UNC13C: variants seen among roughly 807,000 people sequenced by gnomAD.
UNC13C encodes the protein protein unc-13 homolog C.
Under a neutral mutation model 245.4 loss-of-function variants are expected in UNC13C, and 174 were observed. The ratio of observed to expected loss-of-function variants is 0.71; its 90% confidence interval spans 0.63 to 0.80. UNC13C has a LOEUF of 0.80. UNC13C is among the 30% of genes least tolerant of loss of function. UNC13C has a pLI of 0.00. For missense variants in UNC13C, 2,829 were observed against 2,602.9 expected, an observed-to-expected ratio of 1.09 and a Z score of -1.89; for synonymous variants, 992 against 895.1, an observed-to-expected ratio of 1.11 and a Z score of -1.93.
At chr15:54,242,363 G>A (rs1042913683) in intron 7 of UNC13C, among the ~76,000 whole-genome samples, 2 of 152,010 alleles carry the variant, frequency 1.3e-5, no homozygotes, top group African/African-American at 4.8e-5. Flanking sequence ...TCTTGAGTTA[G>A]TCTAGACAAT....
chr15:54,604,500 C>T (rs909433883), intron 30 of UNC13C, among the ~76,000 whole-genome samples: 4 of 152,132 alleles, frequency 2.6e-5, no homozygotes, highest in Admixed American at 2.6e-4. Context: ...TTTGGGGGAT[C>T]ACTGATACCT....
At chr15:53,913,480 G>A in the UNC13C span, 1 of 152,198 alleles carries the variant, frequency 6.6e-6, no homozygotes, top group Non-Finnish European at 1.5e-5. Flanking sequence ...CCCTGGACAG[G>A]GAAAGCAGTT....
chr15:54,325,579 G>T (rs1297747059), intron 14 of UNC13C, among the ~76,000 whole-genome samples: 1 of 151,564 alleles, frequency 6.6e-6, no homozygotes, highest in Non-Finnish European at 1.5e-5. Context: ...CCCCTCGACA[G>T]GCCCCGGTGT....
At chr15:54,355,656 C>A (rs1004242455) in intron 17 of UNC13C, among the ~76,000 whole-genome samples, 4 of 152,032 alleles carry the variant, frequency 2.6e-5, no homozygotes, top group Admixed American at 2.6e-4. Flanking sequence ...CAGCACCCAG[C>A]CCTCACTTTG....
intron 19 of UNC13C, among the ~76,000 whole-genome samples, chr15:54,482,465 G>A (rs1028019034): frequency 6.6e-5 from 10 of 152,172 alleles, no homozygotes; most frequent in African/African-American, 9.7e-5. Context: ...GTAGGAGCGG[G>A]CGGTGGGAAT....
intron 19 of UNC13C, among the ~76,000 whole-genome samples, chr15:54,455,707 G>T (rs886753714): frequency 1.7e-4 from 26 of 151,086 alleles, no homozygotes; most frequent in African/African-American, 6.1e-4. Flanking sequence ...ATGGGGTTAT[G>T]ATTATTATTA....
chr15:54,136,026 G>A (rs77396162), intron 2 of UNC13C, among the ~76,000 whole-genome samples: 4,358 of 152,100 alleles, frequency 0.029, 210 homozygotes, highest in African/African-American at 0.1. Flanking sequence ...TTATTTCATC[G>A]ATGTCTTATA....
chr15:53,955,950 G>A, the UNC13C span: 1 of 152,176 alleles, frequency 6.6e-6, no homozygotes, highest in Non-Finnish European at 1.5e-5. Flanking sequence ...GTAGTGGAGT[G>A]GATGAAGAAA....
chr15:54,229,508 T>C (rs1158671568), intron 4 of UNC13C, among the ~76,000 whole-genome samples: 3 of 152,296 alleles, frequency 2.0e-5, no homozygotes, highest in Non-Finnish European at 2.9e-5. Context: ...TTTTAAATGA[T>C]TGGAATAATT....
the UNC13C span, among the ~76,000 whole-genome samples, chr15:53,861,720 C>T: frequency 1.3e-5 from 2 of 152,156 alleles, no homozygotes; most frequent in Non-Finnish European, 1.5e-5. Context: ...GCACATTGCT[C>T]AGTGGGCATG....
intron 4 of UNC13C, 105 bp downstream of exon 4, chr15:54,143,789 C>A (rs1473468392): frequency 4.3e-6 from 3 of 701,366 alleles, no homozygotes; most frequent in African/African-American, 1.8e-5. Context: ...ATTAGCTAGC[C>A]TCATTGTTAC....
At chr15:54,222,048 T>A (rs1452093858) in intron 4 of UNC13C, among the ~76,000 whole-genome samples, 3 of 152,078 alleles carry the variant, frequency 2.0e-5, no homozygotes, top group Non-Finnish European at 2.9e-5. Flanking sequence ...AATAATCACA[T>A]CAGGGTAAAT....
At chr15:54,632,293 TA>T (rs1243825707), downstream of UNC13C, 1 of 152,254 alleles carries the variant, frequency 6.6e-6, no homozygotes, top group African/African-American at 2.4e-5. Flanking sequence ...TTTTCATTTT[TA>T]TAACAACCTC....
intron 2 of UNC13C, among the ~76,000 whole-genome samples, chr15:54,131,049 C>A (rs79340896): frequency 0.029 from 4,359 of 152,202 alleles, 213 homozygotes; most frequent in African/African-American, 0.1. Context: ...TTCCTGTGAG[C>A]AATTTTGATT....
At chr15:54,167,616 A>G (rs1431441596) in intron 4 of UNC13C, among the ~76,000 whole-genome samples, 1 of 148,902 alleles carries the variant, frequency 6.7e-6, no homozygotes, top group Non-Finnish European at 1.5e-5. Context: ...AAAAAAAAAA[A>G]AAAAAAAAGA....
chr15:54,166,570 CT>C (rs1383140874), intron 4 of UNC13C, among the ~76,000 whole-genome samples: 1 of 152,052 alleles, frequency 6.6e-6, no homozygotes, highest in African/African-American at 2.4e-5. Context: ...ACAGAGCTGT[CT>C]TTATTTGCAG....
At chr15:53,976,163 A>AT (rs368693222), upstream of UNC13C, among the ~76,000 whole-genome samples, 1 of 152,278 alleles carries the variant, frequency 6.6e-6, no homozygotes, top group African/African-American at 2.4e-5. Flanking sequence ...ACGGCAACAT[A>AT]TTTTATTAGC....
intron 19 of UNC13C, among the ~76,000 whole-genome samples, chr15:54,427,230 C>T (rs113661608): frequency 6.6e-6 from 1 of 151,730 alleles, no homozygotes; most frequent in Non-Finnish European, 1.5e-5. Context: ...GGGAAGGACC[C>T]AGGGGGAGAT....
chr15:54,512,812 T>G (rs1386163742), intron 24 of UNC13C, among the ~76,000 whole-genome samples: 2 of 152,166 alleles, frequency 1.3e-5, no homozygotes, highest in African/African-American at 2.4e-5. Context: ...TGACTACAAA[T>G]GTTTCTTTTA....
Sources: gnomAD v4.1 joint callset for allele counts (sites outside exome capture counted in the v4.1 genomes callset) on GRCh38, gnomAD v4.1.1 for gene constraint, MANE v1.5 for transcripts, NCBI Gene and HGNC (gene_info 2026-07-23, HGNC 2026-07-21) for gene names.